The following SH3BGRL variants were observed in gnomAD, a reference collection of about 807,000 sequenced individuals.
The protein encoded by SH3BGRL is adapter SH3BGRL.
Under a neutral mutation model 9.8 loss-of-function variants are expected in SH3BGRL, and 7 were observed. The ratio of observed to expected loss-of-function variants is 0.72; its 90% CI spans 0.41 to 1.35. SH3BGRL has a LOEUF of 1.35. SH3BGRL is among the 40% of genes most tolerant of loss of function. SH3BGRL has a pLI of 0.01. For synonymous variants in SH3BGRL, 36 were observed against 29.1 expected (o/e 1.24, Z -0.76); for missense variants, 73 against 84.4 (o/e 0.86, Z 0.53).
intron 1 of SH3BGRL, among the ~76,000 whole-genome samples, chrX:81,225,844 T>C (rs1008639077): frequency 5.4e-5 from 6 of 111,986 alleles, no homozygotes; most frequent in African/African-American, 1.9e-4. Context: ...AATGATACCT[T>C]GACCTAAGTG....
At chrX:81,272,689 C>T (rs1015957689) in intron 1 of SH3BGRL, among the ~76,000 whole-genome samples, 1 of 108,989 alleles carries the variant, frequency 9.2e-6, no homozygotes, top group Non-Finnish European at 1.9e-5. Context: ...TTAGTGGAGA[C>T]GGGGTTTCAC....
intron 1 of SH3BGRL, among the ~76,000 whole-genome samples, chrX:81,223,816 T>A (rs1196048916): frequency 9.0e-6 from 1 of 111,500 alleles, no homozygotes; most frequent in Non-Finnish European, 1.9e-5. Flanking sequence ...TCTTCCCATC[T>A]CAGTACCCTC....
chrX:81,236,218 A>G (rs1351425771), intron 1 of SH3BGRL, among the ~76,000 whole-genome samples: 1 of 111,815 alleles, frequency 8.9e-6, no homozygotes, highest in Non-Finnish European at 1.9e-5. Flanking sequence ...AAGAGCACAC[A>G]TGCTAGGTGT....
At chrX:81,279,736 G>A (rs776668107) in intron 3 of SH3BGRL, among the ~76,000 whole-genome samples, 5 of 110,954 alleles carry the variant, frequency 4.5e-5, no homozygotes, top group Non-Finnish European at 7.6e-5. Flanking sequence ...GGGATCCATC[G>A]GGAGGGTGGC....
At chrX:81,294,425 G>T (rs2075867621) in intron 3 of SH3BGRL, among the ~76,000 whole-genome samples, 1 of 110,538 alleles carries the variant, frequency 9.0e-6, no homozygotes, top group African/African-American at 3.3e-5. Flanking sequence ...GCTGTGGTGG[G>T]CACAAGCCCC....
chrX:81,277,928 G>A (rs1911566723), intron 2 of SH3BGRL, among the ~76,000 whole-genome samples: 1 of 112,102 alleles, frequency 8.9e-6, no homozygotes, highest in South Asian at 3.7e-4. Context: ...CAAGGAGGTA[G>A]ATGATTCTGT....
intron 1 of SH3BGRL, among the ~76,000 whole-genome samples, chrX:81,234,701 G>C (rs1244011412): frequency 8.9e-6 from 1 of 111,750 alleles, no homozygotes; most frequent in African/African-American, 3.2e-5. Flanking sequence ...GGCTCTCTGG[G>C]TCTTGAGACA....
At chrX:81,281,335 T>C (rs1378278748) in intron 3 of SH3BGRL, among the ~76,000 whole-genome samples, 1 of 111,266 alleles carries the variant, frequency 9.0e-6, no homozygotes, top group Non-Finnish European at 1.9e-5. Context: ...ACCTGGGAAA[T>C]CCATTCCAAA....
At chrX:81,230,047 G>C (rs1487783328) in intron 1 of SH3BGRL, among the ~76,000 whole-genome samples, 2 of 111,771 alleles carry the variant, frequency 1.8e-5, no homozygotes, top group Non-Finnish European at 3.8e-5. Flanking sequence ...ACCATTCATA[G>C]CTGTGTTGCA....
At chrX:81,210,100 A>G (rs1162916384) in intron 1 of SH3BGRL, among the ~76,000 whole-genome samples, 2 of 110,995 alleles carry the variant, frequency 1.8e-5, no homozygotes, top group African/African-American at 3.3e-5. Flanking sequence ...ATGAGACCCT[A>G]TCCTAGAGTT....
intron 1 of SH3BGRL, among the ~76,000 whole-genome samples, chrX:81,271,323 T>G (rs1353292099): frequency 8.9e-6 from 1 of 112,154 alleles, no homozygotes; most frequent in Non-Finnish European, 1.9e-5. Context: ...TCACTTGTCT[T>G]CTGTGTCAAT....
At chrX:81,270,402 G>T (rs2075774219) in intron 1 of SH3BGRL, among the ~76,000 whole-genome samples, 1 of 111,685 alleles carries the variant, frequency 9.0e-6, no homozygotes, top group African/African-American at 3.3e-5. Flanking sequence ...ATGTGGTTTT[G>T]GTGTGGATGT....
At chrX:81,226,536 C>A (rs181139579) in intron 1 of SH3BGRL, among the ~76,000 whole-genome samples, 5,735 of 99,234 alleles carry the variant, frequency 0.058, 284 homozygotes, top group African/African-American at 0.15. Flanking sequence ...ATCTCTCTCT[C>A]TATATATATA....
At chrX:81,282,906 A>T (rs765361783) in intron 3 of SH3BGRL, among the ~76,000 whole-genome samples, 1 of 112,543 alleles carries the variant, frequency 8.9e-6, no homozygotes, top group Non-Finnish European at 1.9e-5. Flanking sequence ...AAAGATTAAA[A>T]TGGATAGACC....
chrX:81,214,904 T>C (rs1391768773), intron 1 of SH3BGRL, among the ~76,000 whole-genome samples: 1 of 111,433 alleles, frequency 9.0e-6, no homozygotes, highest in Non-Finnish European at 1.9e-5. Context: ...ATGGATTATT[T>C]TAGTCATAAG....
At chrX:81,210,932 A>G (rs1176161211) in intron 1 of SH3BGRL, among the ~76,000 whole-genome samples, 1 of 112,572 alleles carries the variant, frequency 8.9e-6, no homozygotes, top group Non-Finnish European at 1.9e-5. Context: ...AGCTCAGCCT[A>G]TACTATTAGT....
intron 1 of SH3BGRL, among the ~76,000 whole-genome samples, chrX:81,239,561 G>A (rs972793737): frequency 9.0e-6 from 1 of 111,398 alleles, no homozygotes; most frequent in Non-Finnish European, 1.9e-5. Context: ...TAAAAGTTAT[G>A]GGCCTTAGAG....
At chrX:81,240,218 G>A (rs1341729685) in intron 1 of SH3BGRL, among the ~76,000 whole-genome samples, 4 of 111,852 alleles carry the variant, frequency 3.6e-5, no homozygotes, top group African/African-American at 1.3e-4. Context: ...ACATCTTTTG[G>A]AGACATAGAC....
intron 1 of SH3BGRL, among the ~76,000 whole-genome samples, chrX:81,207,703 C>A (rs2075551469): frequency 1.8e-5 from 2 of 112,177 alleles, no homozygotes; most frequent in Non-Finnish European, 3.8e-5. Flanking sequence ...CACCAAATGA[C>A]TGGGACATAC....
Sources: gnomAD v4.1 joint callset for allele counts (sites outside exome capture counted in the v4.1 genomes callset) on GRCh38, gnomAD v4.1.1 for gene constraint, MANE v1.5 for transcripts, NCBI Gene and HGNC (gene_info 2026-07-23, HGNC 2026-07-21) for gene names.